EVL: variants seen among roughly 807,000 people sequenced by gnomAD.
EVL encodes ena/VASP-like protein.
EVL carries 21 observed loss-of-function variants against 59.6 expected under a neutral mutation model. The observed-to-expected ratio is 0.35, with a 90% confidence interval of 0.25 to 0.51. The LOEUF (loss-of-function observed/expected upper bound fraction) is 0.51, where lower values mean the gene tolerates loss of function less well. Among genes scored for constraint, EVL ranks in the 20% least tolerant of loss-of-function variants. The pLI is 0.97. For synonymous variants in EVL, 198 were observed against 203.5 expected, an observed-to-expected ratio of 0.97 and a Z score of 0.23; for missense variants, 462 against 546.6, an observed-to-expected ratio of 0.85 and a Z score of 1.54.
chr14:100,101,454 T>C (rs549279195), intron 3 of EVL, among the ~76,000 whole-genome samples: 1 of 152,124 alleles, frequency 6.6e-6, no homozygotes, highest in East Asian at 1.9e-4. Context: ...CACTCCACTT[T>C]GGGCAACAAG....
At chr14:99,987,732 C>T (rs1193856362) in intron 1 of EVL, among the ~76,000 whole-genome samples, 1 of 152,074 alleles carries the variant, frequency 6.6e-6, no homozygotes, top group Non-Finnish European at 1.5e-5. Flanking sequence ...CAAGAAGGCT[C>T]TATGAGGAAA....
intron 1 of EVL, among the ~76,000 whole-genome samples, chr14:100,007,287 A>G (rs2060988572): frequency 6.6e-6 from 1 of 151,990 alleles, no homozygotes; most frequent in Non-Finnish European, 1.5e-5. Flanking sequence ...TAGGTGAGAG[A>G]CAAATGGTTG....
At chr14:100,032,030 C>T (rs2061322219) in intron 1 of EVL, among the ~76,000 whole-genome samples, 1 of 152,210 alleles carries the variant, frequency 6.6e-6, no homozygotes. Flanking sequence ...TCTGCTAGAT[C>T]AGACAACTGT....
At chr14:100,116,524 G>T (rs892817647) in intron 3 of EVL, among the ~76,000 whole-genome samples, 3 of 152,162 alleles carry the variant, frequency 2.0e-5, no homozygotes, top group Admixed American at 6.5e-5. Context: ...AAATGTTCAG[G>T]GGTGGCCAAG....
chr14:99,973,500 T>G (rs2060749232), intron 1 of EVL, among the ~76,000 whole-genome samples: 1 of 152,256 alleles, frequency 6.6e-6, no homozygotes, highest in Non-Finnish European at 1.5e-5. Flanking sequence ...TCTCGCTCTG[T>G]TGCCCAGGCT....
chr14:100,121,699 C>T (rs1216627608), intron 3 of EVL, among the ~76,000 whole-genome samples: 1 of 152,110 alleles, frequency 6.6e-6, no homozygotes, highest in Non-Finnish European at 1.5e-5. Context: ...GGACGTCAGC[C>T]CAGCAGGCAA....
chr14:100,087,912 A>C (rs138919467), intron 2 of EVL, among the ~76,000 whole-genome samples: 1 of 152,200 alleles, frequency 6.6e-6, no homozygotes, highest in Non-Finnish European at 1.5e-5. Flanking sequence ...TATGGGGAAC[A>C]ATCGAAGGAG....
intron 1 of EVL, among the ~76,000 whole-genome samples, chr14:99,985,736 T>TG (rs141589438): frequency 0.015 from 2,190 of 150,832 alleles, 53 homozygotes; most frequent in African/African-American, 0.05. Context: ...CATTGCACTC[T>TG]GGCCTGGGCA....
chr14:100,143,952 T>G lies in EVL; in HGVS notation c.*214T>G. On this transcript the variant is annotated 3_prime_UTR_variant, in exon 14 of 14. Transcript: ENST00000392920. ...ATTCTGCCTGACACGGAACACCAGG[T>G]CTGCTCGTCTTTTTTGTGTTTTATA... 1.8e-6 allele frequency: 1 copy of G among 560,236 alleles called. No individual in the cohort carries two copies. The highest frequency in any genetic ancestry group is 3.1e-6 in the Non-Finnish European group (1 of 317,716). The allele number at this position is 560,236 out of a possible 1,614,324, so 34.7% of individuals were successfully genotyped here.
intron 1 of EVL, among the ~76,000 whole-genome samples, chr14:100,069,684 C>T (rs546984358): frequency 6.6e-6 from 1 of 152,280 alleles, no homozygotes; most frequent in African/African-American, 2.4e-5. Flanking sequence ...GAGAAACATT[C>T]CTCTGGAGAT....
At position 100,114,171 on chromosome 14, in the gene EVL, G is replaced by A. The variant is rs992747786; in HGVS notation, c.359-9368G>A. Among the ~76,000 whole-genome samples the A allele has an allele frequency of 3.5e-5, 1 of 28,970 alleles. No homozygotes were observed. The highest frequency in any genetic ancestry group is 5.4e-4 in the Admixed American group (1 of 1,856). 19.0% of individuals were successfully genotyped at this position (28,970 alleles called of 152,430 possible). ...GCAAGGAGCGAAGCGAAGGAGGGCC[G>A]GGGGGGAATCAAATGAGCCTTACTT... On this transcript the variant is annotated intron_variant, in intron 3 of 13. Coordinates refer to ENST00000392920, the MANE Select transcript of EVL (RefSeq NM_016337.3). The surrounding 1 kb of genome is among the most constrained non-coding windows in gnomAD (Gnocchi z 5.0).
chr14:99,981,047 TG>T (rs2060802748), intron 1 of EVL, among the ~76,000 whole-genome samples: 1 of 149,982 alleles, frequency 6.7e-6, no homozygotes, highest in Non-Finnish European at 1.5e-5. Context: ...CCGGCGGCGG[TG>T]GGCAACATAT....
At chr14:99,971,842 G>GTCGCCGCCGCCGCGGCCCT (rs1180666675) in exon 1 of EVL, 1 of 146,886 alleles carries the variant, frequency 6.8e-6, no homozygotes, top group Non-Finnish European at 1.5e-5. Flanking sequence ...CCAGCTGTCA[G>GTCGCCGCCGCCGCGGCCCT]TCGCCGCCGC....
At chr14:99,979,041 ACT>A (rs1379674958) in intron 1 of EVL, among the ~76,000 whole-genome samples, 2 of 151,806 alleles carry the variant, frequency 1.3e-5, no homozygotes, top group East Asian at 1.9e-4. Flanking sequence ...TTTCTAACAG[ACT>A]CTATGTATTT....
chr14:100,112,665 C>T (rs973417747), intron 3 of EVL, among the ~76,000 whole-genome samples: 3 of 152,232 alleles, frequency 2.0e-5, no homozygotes, highest in African/African-American at 7.2e-5. Context: ...AATGTTTTCT[C>T]CCCAAAACCT....
chr14:100,018,068 A>G (rs117735942), intron 1 of EVL, among the ~76,000 whole-genome samples: 3,275 of 152,368 alleles, frequency 0.021, 60 homozygotes, highest in Admixed American at 0.055. Context: ...CTTTTTGTCA[A>G]GTGCTATGTC....
intron 11 of EVL, 166 bp from the exon 12 acceptor site, chr14:100,141,014 G>T: frequency 1.7e-6 from 1 of 580,172 alleles, no homozygotes; most frequent in South Asian, 2.2e-5. Flanking sequence ...GGTGGAGACG[G>T]GCGTTAAATC....
Position 100,049,500 on chromosome 14 carries a change from G to T in EVL, c.6-35187G>T, listed in dbSNP as rs543592548. 2.0e-5 allele frequency among the ~76,000 whole-genome samples: 3 copies of T among 152,280 alleles called. No individual in the cohort carries two copies. The South Asian group carries it at 6.2e-4, about 32-fold the overall frequency. ...CACCCTGGATGCAGTCCTTTATACT[G>T]AGTATTGTTTCTGATGTGAGTCAGA... is the stretch of plus-strand genomic sequence containing the variant. On this transcript the variant is annotated intron_variant, in intron 1 of 13. Coordinates refer to the EVL transcript ENST00000402714.
rs1455595147 is a variant in EVL, at chr14:99,972,584, T to A, written c.5+527T>A. Among the ~76,000 whole-genome samples the A allele has an allele frequency of 1.3e-5, 2 of 152,084 alleles. No homozygotes were observed. The highest frequency in any genetic ancestry group is 3.9e-4 in the East Asian group (2 of 5,172). On this transcript the variant is annotated intron_variant, in intron 1 of 13. Coordinates refer to the EVL transcript ENST00000402714. The surrounding 1 kb of genome is among the most constrained non-coding windows in gnomAD (Gnocchi z 4.4). ...CTTGGAGCCCGTCAACCCCTTCGTC[T>A]CCTAATTCTCAACCCCCCTTTTTTT...
Sources: allele counts gnomAD v4.1 joint callset (sites outside exome capture counted in the v4.1 genomes callset), GRCh38; gene constraint gnomAD v4.1.1; non-coding constraint Gnocchi (gnomAD v3.1); transcripts MANE v1.5; gene names NCBI Gene and HGNC (gene_info 2026-07-23, HGNC 2026-07-21).